The following SEPTIN6 variants were observed in gnomAD, a reference collection of about 807,000 sequenced individuals.
SEPTIN6 encodes the protein septin 6, also known as septin-6.
A neutral mutation model predicts 33.6 loss-of-function variants in SEPTIN6; 8 were observed. The observed-to-expected ratio is 0.24, with a 90% CI of 0.14 to 0.43. The LOEUF (loss-of-function observed/expected upper bound fraction) is 0.43, where lower values mean the gene tolerates loss of function less well. Among genes scored for constraint, SEPTIN6 ranks in the 20% least tolerant of loss-of-function variants. The pLI, the probability that SEPTIN6 is intolerant of heterozygous loss-of-function variation, is 1.00. For synonymous variants in SEPTIN6, 131 were observed against 140.0 expected, an observed-to-expected ratio of 0.94 and a Z score of 0.45; for missense variants, 250 against 340.8, an observed-to-expected ratio of 0.73 and a Z score of 2.10.
intron 2 of SEPTIN6, among the ~76,000 whole-genome samples, chrX:119,669,281 C>G (rs899818610): frequency 8.9e-6 from 1 of 112,786 alleles, no homozygotes; most frequent in African/African-American, 3.2e-5. Context: ...TACAAAGACT[C>G]TAACAGGAGC....
chrX:119,636,110 T>C lies in SEPTIN6; in HGVS notation c.956+917A>G, dbSNP rs144554563. ...TCCCCCAGCCCCACCTGTCAGTATA[T>C]AGGGCATGAGCCTGTCCCTCCTGAA... On this transcript the variant is annotated intron_variant, in intron 7 of 10. Coordinates refer to ENST00000394610, the MANE Select transcript of SEPTIN6 (RefSeq NM_145799.4). 1.7e-4 allele frequency among the ~76,000 whole-genome samples: 19 copies of C among 111,396 alleles called. No individual in the cohort carries two copies. In the East Asian group the frequency reaches 4.8e-3, roughly 28 times the overall value.
intron 3 of SEPTIN6, among the ~76,000 whole-genome samples, chrX:119,660,062 C>T (rs772779593): frequency 9.2e-6 from 1 of 108,668 alleles, no homozygotes; most frequent in African/African-American, 3.3e-5. Flanking sequence ...TTAGTAGAGA[C>T]GGGGGTTTCA....
intron 5 of SEPTIN6, among the ~76,000 whole-genome samples, chrX:119,648,020 T>C (rs575763873): frequency 4.7e-5 from 5 of 106,673 alleles, no homozygotes; most frequent in South Asian, 7.9e-4. Flanking sequence ...TCGAATTTTG[T>C]TTCTCAAAGT....
At chrX:119,650,820 T>C (rs1236342636) in intron 4 of SEPTIN6, among the ~76,000 whole-genome samples, 23 of 111,517 alleles carry the variant, frequency 2.1e-4, no homozygotes. Flanking sequence ...CTGAGACTTA[T>C]GCAAAAAGAA....
chrX:119,687,193 G>T (rs2055069779), intron 1 of SEPTIN6, among the ~76,000 whole-genome samples: 1 of 110,324 alleles, frequency 9.1e-6, no homozygotes, highest in Admixed American at 9.6e-5. Flanking sequence ...ATATATCCAT[G>T]GCTTTCCTTC....
intron 2 of SEPTIN6, among the ~76,000 whole-genome samples, chrX:119,667,138 G>A (rs997477181): frequency 1.9e-4 from 21 of 110,628 alleles, no homozygotes; most frequent in African/African-American, 5.9e-4. Context: ...GCTCCCTGCC[G>A]AATGCCCTGT....
rs1478246615 is a variant in SEPTIN6, at chrX:119,617,108, G to A, written c.*2985C>T. ...GTGAGGGATGTGTGTACGTGTGTGTGTGTGTGTGTGTGTGTGTGTGTGTGT... is the reference window on the plus strand; with the variant it reads ...GTGAGGGATGTGTGTACGTGTGTGTATGTGTGTGTGTGTGTGTGTGTGTGT... On this transcript the variant is annotated 3_prime_UTR_variant, in exon 11 of 11. Coordinates refer to ENST00000394610, the MANE Select transcript of SEPTIN6 (RefSeq NM_145799.4). The A allele has an allele frequency of 4.0e-5, 13 of 322,033 alleles. No homozygotes were observed. In the East Asian group the frequency reaches 2.5e-3, roughly 63 times the overall value. The allele number at this position is 322,033 out of a possible 1,213,427, so 26.5% of individuals were successfully genotyped here. A position where few individuals can be genotyped will look rare whatever the true frequency, so the allele number is the denominator to read the frequency against.
chrX:119,686,057 C>T (rs1342765052), intron 1 of SEPTIN6, among the ~76,000 whole-genome samples: 1 of 111,759 alleles, frequency 8.9e-6, no homozygotes, highest in Non-Finnish European at 1.9e-5. Flanking sequence ...CAAAAGCCAG[C>T]CAGATTCCCT....
intron 5 of SEPTIN6, among the ~76,000 whole-genome samples, chrX:119,647,232 CA>C (rs1193810770): frequency 5.9e-5 from 6 of 100,853 alleles, no homozygotes; most frequent in South Asian, 4.4e-4. Context: ...GAGCCTGTCT[CA>C]AAAAAAAAAC....
chrX:119,689,757 G>GTCTCGC (rs979596723), intron 1 of SEPTIN6, among the ~76,000 whole-genome samples: 19 of 106,164 alleles, frequency 1.8e-4, no homozygotes, highest in Non-Finnish European at 3.1e-4. Context: ...TTGAGATGGA[G>GTCTCGC]TCTCGCTCTG....
At chrX:119,647,483 C>CTTTTTTTTTTTTTTTT (rs61037430) in intron 5 of SEPTIN6, among the ~76,000 whole-genome samples, 14 of 74,385 alleles carry the variant, frequency 1.9e-4, no homozygotes, top group Admixed American at 3.4e-4. Context: ...TTCTCTCTCT[C>CTTTTTTTTTTTTTTTT]TTTTTTTTTT....
At chrX:119,650,216 G>C (rs2054329480) in intron 4 of SEPTIN6, 118 bp from the exon 5 acceptor site, 1 of 652,591 alleles carries the variant, frequency 1.5e-6, no homozygotes, top group Non-Finnish European at 2.4e-6. Flanking sequence ...TCAAAGACTG[G>C]CCACTTCTGT....
intron 2 of SEPTIN6, among the ~76,000 whole-genome samples, chrX:119,664,678 T>C (rs928018286): frequency 9.4e-6 from 1 of 106,787 alleles, no homozygotes; most frequent in East Asian, 2.9e-4. Flanking sequence ...AAAATATATA[T>C]ATACATACAC....
At chrX:119,663,965 G>GT (rs960074071) in intron 2 of SEPTIN6, among the ~76,000 whole-genome samples, 5 of 110,011 alleles carry the variant, frequency 4.5e-5, no homozygotes, top group South Asian at 3.8e-4. Flanking sequence ...AGTATACATT[G>GT]TTTTTTTTGT....
intron 1 of SEPTIN6, among the ~76,000 whole-genome samples, chrX:119,690,738 A>AG (rs2147673817): frequency 9.3e-6 from 1 of 107,808 alleles, no homozygotes; most frequent in South Asian, 4.0e-4. Flanking sequence ...AAAAAAAAAA[A>AG]AAAAAAAAAG....
At chrX:119,685,677 T>C (rs6646449) in intron 1 of SEPTIN6, among the ~76,000 whole-genome samples, 15,115 of 110,666 alleles carry the variant, frequency 0.14, 1,056 homozygotes, top group Admixed American at 0.32. Context: ...CTGACTCAAG[T>C]GGCACATGTG....
chrX:119,664,911 C>T (rs2054609914), intron 2 of SEPTIN6, among the ~76,000 whole-genome samples: 1 of 108,041 alleles, frequency 9.3e-6, no homozygotes, highest in Non-Finnish European at 1.9e-5. Context: ...GTCCCCACCT[C>T]TCCTCCCTGC....
chrX:119,651,096 G>A (rs1370275853), intron 4 of SEPTIN6, among the ~76,000 whole-genome samples: 1 of 110,396 alleles, frequency 9.1e-6, no homozygotes, highest in Admixed American at 9.7e-5. Flanking sequence ...ACTCCAACGG[G>A]GGGTGGGGGA....
intron 1 of SEPTIN6, among the ~76,000 whole-genome samples, chrX:119,677,789 C>T (rs757495947): frequency 1.8e-5 from 2 of 112,804 alleles, no homozygotes; most frequent in African/African-American, 3.2e-5. Context: ...TGAGGGCAAG[C>T]GACAGGGCTA....
Sources: allele counts gnomAD v4.1 joint callset (sites outside exome capture counted in the v4.1 genomes callset), GRCh38; gene constraint gnomAD v4.1.1; transcripts MANE v1.5; gene names NCBI Gene and HGNC (gene_info 2026-07-23, HGNC 2026-07-21).